Variants in C5 observed in about 807,000 individuals in gnomAD.
The protein encoded by C5 is complement C5, also known as C3 and PZP-like alpha-2-macroglobulin domain-containing protein 4.
A neutral mutation model predicts 218.8 loss-of-function variants in C5; 140 were observed. That is an observed-to-expected ratio of 0.64 (90% CI 0.56 to 0.74). C5 has a LOEUF of 0.74. C5 is among the 30% of genes least tolerant of loss of function. C5 has a pLI of 0.00. For missense variants in C5, 1,700 were observed against 1,969.6 expected, an observed-to-expected ratio of 0.86 and a Z score of 2.59; for synonymous variants, 614 against 682.3, an observed-to-expected ratio of 0.90 and a Z score of 1.56.
At chr9:120,964,195 A>C (rs1189029401) in intron 33 of C5, among the ~76,000 whole-genome samples, 1 of 152,254 alleles carries the variant, frequency 6.6e-6, no homozygotes, top group Non-Finnish European at 1.5e-5. Context: ...AAATACACTA[A>C]GGCAAGGCAC....
intron 7 of C5, among the ~76,000 whole-genome samples, chr9:121,029,974 A>T (rs1004343742): frequency 2.0e-5 from 3 of 152,222 alleles, no homozygotes; most frequent in African/African-American, 4.8e-5. Context: ...AGCCTGGCCC[A>T]GATCAGCAGA....
Position 121,027,220 on chromosome 9 carries a change from T to C in C5, c.813A>G (p.Ile271Met), listed in dbSNP as rs2131788839. The C allele has an allele frequency of 6.2e-7, 1 of 1,603,634 alleles. No individual in the cohort carries two copies. The highest frequency in any genetic ancestry group is 8.5e-7 in the Non-Finnish European group (1 of 1,171,784). The change falls in exon 8 of 41, where the codon ATA (isoleucine) becomes ATG (methionine). Residue 271 changes from isoleucine to methionine, a missense_variant. Ile to Met is a conservative substitution (Grantham distance 10). Coordinates refer to ENST00000223642, the MANE Select transcript of C5 (RefSeq NM_001735.3). ...TEADVYITFG[I>M]REDLKDDQKE... ...TTTGATCATCTTTTAAGTCTTCTCT[T>C]ATTCCAAATGTGATATAAACGTCAG... is the stretch of plus-strand genomic sequence containing the variant.
chr9:121,015,340 T>G (rs2047298573), intron 15 of C5, 79 bp from the exon 16 acceptor site: 2 of 945,828 alleles, frequency 2.1e-6, no homozygotes, highest in East Asian at 5.0e-5. Context: ...TGAAACTATT[T>G]AAGTATTTAG....
Position 121,008,459 on chromosome 9 carries a change from C to T in C5, c.2297G>A (p.Arg766Gln), listed in dbSNP as rs758933855. Reference protein sequence around the residue: ...TLLPVSKPEIRSYFPESWLWE... With the variant: ...TLLPVSKPEIQSYFPESWLWE... ...CAACCAGCTTTCTGGAAAATAACTC[C>T]GAATTTCTGGCTTGCTTACTGGTAA... Residue 766 changes from arginine to glutamine, a missense_variant, in exon 18 of 41, where the codon CGG becomes CAG. Coordinates refer to ENST00000223642, the MANE Select transcript of C5 (RefSeq NM_001735.3). 4.3e-6 allele frequency: 7 copies of T among 1,613,550 alleles called. No individual in the cohort carries two copies. The highest frequency in any genetic ancestry group is 1.3e-5 in the African/African-American group (1 of 74,824).
intron 15 of C5, among the ~76,000 whole-genome samples, 155 bp from the exon 16 acceptor site, chr9:121,015,416 ACTT>A (rs1313452459): frequency 6.6e-6 from 1 of 152,104 alleles, no homozygotes; most frequent in Non-Finnish European, 1.5e-5. Context: ...TGTGCACCAT[ACTT>A]CTTAATATGA....
In C5 at chr9:120,989,614, A is replaced by G; in HGVS notation, c.3108T>C (p.Ser1036=). ...GTTTCTGCTTTTCAATTAATGGGTCAGAATGAAAAATGTTCCAATGATTTC... is the reference window on the plus strand; with the variant it reads ...GTTTCTGCTTTTCAATTAATGGGTCGGAATGAAAAATGTTCCAATGATTTC... ...ETGNHWNIFH[S]DPLIEKQKLK... Residue 1036 remains serine (S), a synonymous_variant, in exon 24 of 41, where the codon TCT becomes TCC. Transcript: ENST00000223642. The G allele has an allele frequency of 6.2e-7, 1 of 1,613,062 alleles. No homozygotes were observed. The highest frequency in any genetic ancestry group is 8.5e-7 in the Non-Finnish European group (1 of 1,179,394).
In C5 at chr9:120,998,104, A is replaced by G. The variant is rs578254216; in HGVS notation, c.2563-330T>C. Among the ~76,000 whole-genome samples the G allele has an allele frequency of 3.9e-5, 6 of 152,318 alleles. No homozygotes were observed. In the South Asian group the frequency reaches 1.2e-3, roughly 32 times the overall value. On this transcript the variant is annotated intron_variant, in intron 20 of 40. Coordinates refer to ENST00000223642, the MANE Select transcript of C5 (RefSeq NM_001735.3). ...AGGCATGATGCTGTAATCCGTGCCC[A>G]GACTCGAAATACTTTATCTCTAAAA... is the stretch of plus-strand genomic sequence containing the variant.
intron 33 of C5, among the ~76,000 whole-genome samples, chr9:120,966,421 G>A (rs1390011437): frequency 6.6e-6 from 1 of 152,186 alleles, no homozygotes; most frequent in African/African-American, 2.4e-5. Context: ...TTATAGAAGA[G>A]GATTGGAGAA....
rs769263204 is a variant in C5 at position 121,025,592 on chromosome 9, G to A, written c.874-12C>T. 3 of 1,609,730 alleles carry A rather than the reference G, an allele frequency of 1.9e-6. No homozygotes were observed. Among genetic ancestry groups the A allele is most frequent in the South Asian group, 2.2e-5 (2 of 90,888 alleles). On this transcript the variant is annotated splice_polypyrimidine_tract_variant and intron_variant, in intron 8 of 40. Coordinates refer to ENST00000223642, the MANE Select transcript of C5 (RefSeq NM_001735.3). Reference sequence around the variant, plus strand: ...ATTCCATTTATCAACTTTTTAAAAGGAGAAAAAGGAGGAGTTATTTCGGAG... The same window carrying A: ...ATTCCATTTATCAACTTTTTAAAAGAAGAAAAAGGAGGAGTTATTTCGGAG...
intron 29 of C5, among the ~76,000 whole-genome samples, chr9:120,975,473 A>G (rs896907042): frequency 3.3e-5 from 5 of 152,124 alleles, no homozygotes; most frequent in Non-Finnish European, 7.4e-5. Context: ...TGTCCCCCAA[A>G]GTTCATGTGT....
rs191850897 is a variant in C5, at chr9:121,002,183, G to T, written c.2562+3736C>A. Among the ~76,000 whole-genome samples, 22 of 139,632 alleles carry T rather than the reference G, an allele frequency of 1.6e-4. No homozygotes were observed. The East Asian group carries it at 3.5e-3, about 22-fold the overall frequency. 91.6% of individuals were successfully genotyped at this position (139,632 alleles called of 152,430 possible). A position where few individuals can be genotyped will look rare whatever the true frequency, so the allele number is the denominator to read the frequency against. On this transcript the variant is annotated intron_variant, in intron 20 of 40. Transcript: ENST00000223642. ...ATATGTACATATATGTATATATGTA[G>T]ATATGTACATATACGTATATATGTA...
In C5 at chr9:120,976,859, T is replaced by G. The variant is rs1261359433; in HGVS notation, c.3705A>C (p.Lys1235Asn). The G allele has an allele frequency of 1.2e-6, 2 of 1,614,086 alleles. No homozygotes were observed. Among genetic ancestry groups the G allele is most frequent in the African/African-American group, 2.7e-5 (2 of 74,954 alleles). The change falls in exon 29 of 41, where the codon AAA becomes AAC. Residue 1235 changes from lysine (K) to asparagine (N), a missense_variant. Physicochemically the swap from Lys to Asn is moderately conservative, Grantham distance 94. Transcript: ENST00000223642. ...TACCAGTGTTAGGTACAGAGCTGTC[T>G]TTATGCTGAAGATTGTCTTTCCAAA... ...YRFWKDNLQH[K>N]DSSVPNTGTA... is the part of the protein sequence containing the mutation.
At chr9:121,012,181 G>T (rs1472565910) in intron 17 of C5, among the ~76,000 whole-genome samples, 3 of 151,664 alleles carry the variant, frequency 2.0e-5, no homozygotes, top group Non-Finnish European at 4.4e-5. Flanking sequence ...TCCATGATAT[G>T]ATTGTTACTT....
the C5 span, among the ~76,000 whole-genome samples, chr9:121,072,140 A>G: frequency 1.3e-5 from 2 of 152,128 alleles, no homozygotes; most frequent in Non-Finnish European, 2.9e-5. Flanking sequence ...AGAGGTCTGT[A>G]TGAGGAGGAA....
chr9:121,043,164 T>C lies in C5; in HGVS notation c.261A>G (p.Ile87Met). 1 of 1,611,498 alleles carries C rather than the reference T, an allele frequency of 6.2e-7. No homozygotes were observed. The highest frequency in any genetic ancestry group is 8.5e-7 in the Non-Finnish European group (1 of 1,178,286). The part of the protein sequence containing the change: ...NKFQNSAILT[I>M]QPKQLPGGQN... ...GTCCTCCAGGCAATTGTTTTGGTTGTATCTGGAAAAGAAATTGTTGATGGA... is the reference window on the plus strand; with the variant it reads ...GTCCTCCAGGCAATTGTTTTGGTTGCATCTGGAAAAGAAATTGTTGATGGA... Residue 87 changes from isoleucine to methionine, a missense_variant and splice_region_variant, in exon 3 of 41, where the codon ATA becomes ATG. Physicochemically the swap from Ile to Met is conservative, Grantham distance 10. Transcript: ENST00000223642.
rs41309848 is a variant in C5, at chr9:121,017,624, C to G, written c.1716+19G>C. On this transcript the variant is annotated intron_variant, in intron 13 of 40. Coordinates refer to ENST00000223642, the MANE Select transcript of C5 (RefSeq NM_001735.3). ...CATTGAAAAGAAAATTCAATTGTGA[C>G]TTATAATTTGTGGCTTACCTGGAGC... 3.2e-5 allele frequency: 52 copies of G among 1,610,182 alleles called. No individual in the cohort carries two copies. Among genetic ancestry groups the G allele is most frequent in the Non-Finnish European group, 4.4e-5 (52 of 1,176,878 alleles).
intron 39 of C5, among the ~76,000 whole-genome samples, chr9:120,954,892 C>G (rs1267538744): frequency 4.6e-5 from 7 of 151,578 alleles, no homozygotes; most frequent in Non-Finnish European, 1.0e-4. Context: ...ATCTGAGCAA[C>G]ATTACCAGTA....
intron 33 of C5, among the ~76,000 whole-genome samples, chr9:120,966,934 G>T (rs1448727186): frequency 6.6e-6 from 1 of 152,028 alleles, no homozygotes; most frequent in Non-Finnish European, 1.5e-5. Flanking sequence ...GCTGTTCCTT[G>T]GGATTAGTGG....
intron 22 of C5, among the ~76,000 whole-genome samples, chr9:120,995,151 C>T (rs1198480674): frequency 6.6e-6 from 1 of 152,210 alleles, no homozygotes; most frequent in African/African-American, 2.4e-5. Context: ...TGAAATAACA[C>T]TCCTCAGTTC....
Sources: allele counts gnomAD v4.1 joint callset (sites outside exome capture counted in the v4.1 genomes callset), GRCh38; gene constraint gnomAD v4.1.1; transcripts MANE v1.5; gene names NCBI Gene and HGNC (gene_info 2026-07-23, HGNC 2026-07-21).